ZNF385D: variants seen among roughly 807,000 people sequenced by gnomAD.
The protein encoded by ZNF385D is zinc finger protein 659.
A neutral mutation model predicts 35.8 loss-of-function variants in ZNF385D; 15 were observed. That is an observed-to-expected ratio of 0.42 (90% CI 0.28 to 0.64). The LOEUF is 0.64. Ranked by LOEUF, ZNF385D falls within the 30% of genes least tolerant of loss-of-function variation. ZNF385D has a pLI of 0.23. For missense variants in ZNF385D, 474 were observed against 494.6 expected, an observed-to-expected ratio of 0.96 and a Z score of 0.39; for synonymous variants, 212 against 186.8, an observed-to-expected ratio of 1.13 and a Z score of -1.10.
chr3:22,142,391 A>C (rs1481960925), intron 3 of ZNF385D, among the ~76,000 whole-genome samples: 2 of 152,234 alleles, frequency 1.3e-5, no homozygotes, highest in Non-Finnish European at 2.9e-5. Flanking sequence ...GTTTGAAAAC[A>C]AAGCCAAATT....
Position 21,751,112 on chromosome 3 carries a change from G to T in ZNF385D, c.-196C>A. 3 of 1,469,460 alleles carry T rather than the reference G, an allele frequency of 2.0e-6. No individual in the cohort carries two copies. Among genetic ancestry groups the T allele is most frequent in the South Asian group, 1.4e-5 (1 of 70,076 alleles). The allele number at this position is 1,469,460 out of a possible 1,614,324, so 91.0% of individuals were successfully genotyped here. On this transcript the variant is annotated 5_prime_UTR_variant, in exon 1 of 8. Transcript: ENST00000281523. ...CCTTTCCAGGGCTAAGATCCCCGGC[G>T]GCTGGAGAGTGCGCTCGGGCTGCCT... is the stretch of plus-strand genomic sequence containing the variant.
intron 2 of ZNF385D, among the ~76,000 whole-genome samples, chr3:22,229,360 G>C (rs987355397): frequency 6.6e-6 from 1 of 152,166 alleles, no homozygotes; most frequent in African/African-American, 2.4e-5. Flanking sequence ...CCCAACTTAG[G>C]TTGTGGTTCA....
chr3:21,606,443 A>ATACATTTG (rs2064486799), intron 2 of ZNF385D, among the ~76,000 whole-genome samples: 1 of 152,204 alleles, frequency 6.6e-6, no homozygotes, highest in Non-Finnish European at 1.5e-5. Flanking sequence ...ATGAAATACT[A>ATACATTTG]TACATTTGAT....
At chr3:21,727,398 G>A (rs887008630) in intron 1 of ZNF385D, among the ~76,000 whole-genome samples, 1 of 152,130 alleles carries the variant, frequency 6.6e-6, no homozygotes, top group African/African-American at 2.4e-5. Flanking sequence ...CCTACAGAAT[G>A]GGAGAAAATT....
intron 2 of ZNF385D, among the ~76,000 whole-genome samples, chr3:22,287,630 C>G (rs987331832): frequency 1.3e-5 from 2 of 151,914 alleles, no homozygotes; most frequent in Non-Finnish European, 2.9e-5. Flanking sequence ...TACACAAACT[C>G]TACACTTTTT....
chr3:22,188,614 T>G (rs1393010105), intron 2 of ZNF385D, among the ~76,000 whole-genome samples: 2 of 152,050 alleles, frequency 1.3e-5, no homozygotes, highest in East Asian at 3.9e-4. Context: ...CACACCCTGC[T>G]AATTTTTTGT....
chr3:21,699,939 C>G (rs2125377118), intron 1 of ZNF385D, among the ~76,000 whole-genome samples: 1 of 145,210 alleles, frequency 6.9e-6, no homozygotes, highest in East Asian at 2.1e-4. Context: ...TCGAGTGATT[C>G]TCTTGTCTCG....
chr3:21,763,473 T>C (rs372870064), intron 3 of ZNF385D, among the ~76,000 whole-genome samples: 1 of 152,132 alleles, frequency 6.6e-6, no homozygotes, highest in East Asian at 1.9e-4. Context: ...TACATCAGCT[T>C]TGAGAAACTT....
At chr3:21,727,212 T>C (rs1366270121) in intron 1 of ZNF385D, among the ~76,000 whole-genome samples, 1 of 151,960 alleles carries the variant, frequency 6.6e-6, no homozygotes, top group Non-Finnish European at 1.5e-5. Flanking sequence ...CCTAAAACCA[T>C]AAAAATTCTA....
chr3:21,654,285 T>G (rs1222379111), intron 2 of ZNF385D, among the ~76,000 whole-genome samples: 1 of 152,078 alleles, frequency 6.6e-6, no homozygotes, highest in Non-Finnish European at 1.5e-5. Context: ...ATTTTAATAT[T>G]TGCCCAAACT....
In ZNF385D at chr3:22,372,632, C is replaced by T. The variant is rs569610642; in HGVS notation, c.-77G>A. The T allele has an allele frequency of 4.6e-5, 19 of 416,984 alleles. No individual in the cohort carries two copies. In the East Asian group the frequency reaches 2.9e-3, roughly 64 times the overall value. The allele number at this position is 416,984 out of a possible 1,614,324, so 25.8% of individuals were successfully genotyped here. A position where few individuals can be genotyped will look rare whatever the true frequency, so the allele number is the denominator to read the frequency against. On this transcript the variant is annotated 5_prime_UTR_variant, in exon 2 of 6. Transcript: ENST00000494108. Reference sequence around the variant, plus strand: ...CGCCTGCAGCTTCAACGGCGGTGGTCGCCGCGAGCCGTGAGCGGCGGCCAA... The same window carrying T: ...CGCCTGCAGCTTCAACGGCGGTGGTTGCCGCGAGCCGTGAGCGGCGGCCAA...
At chr3:22,001,354 C>G (rs1576125032) in intron 3 of ZNF385D, among the ~76,000 whole-genome samples, 1 of 151,842 alleles carries the variant, frequency 6.6e-6, no homozygotes, top group Middle Eastern at 3.4e-3. Flanking sequence ...TCAGATAAAA[C>G]AAACTTTAAG....
chr3:21,978,245 T>G (rs1408189649), intron 3 of ZNF385D: 1 of 152,232 alleles, frequency 6.6e-6, no homozygotes, highest in Non-Finnish European at 1.5e-5. Context: ...TGTCTGTTTC[T>G]TACTTTGTTG....
chr3:21,726,093 T>C (rs569336415), intron 1 of ZNF385D, among the ~76,000 whole-genome samples: 1 of 152,242 alleles, frequency 6.6e-6, no homozygotes, highest in East Asian at 1.9e-4. Flanking sequence ...ATTATCTCAA[T>C]AGATGTAGAG....
At chr3:21,577,995 T>C (rs1220999133) in intron 2 of ZNF385D, among the ~76,000 whole-genome samples, 1 of 151,650 alleles carries the variant, frequency 6.6e-6, no homozygotes, top group Non-Finnish European at 1.5e-5. Flanking sequence ...ATTTTTTCTT[T>C]GTAGAGACAG....
chr3:22,145,435 G>T lies in ZNF385D; in HGVS notation c.325+23382C>A, dbSNP rs114498483. 6.0e-3 allele frequency among the ~76,000 whole-genome samples: 916 copies of T among 152,262 alleles called. 9 individuals are homozygous for T. The highest frequency in any genetic ancestry group is 0.021 in the African/African-American group (870 of 41,556). ...GAAGTCTCCTCTCTTCATACACCTT[G>T]CTCTTTGAACTACCAATGCTCTTTA... On this transcript the variant is annotated intron_variant, in intron 3 of 5. Transcript: ENST00000494108.
chr3:22,164,556 A>G (rs1350705674), intron 3 of ZNF385D, among the ~76,000 whole-genome samples: 3 of 151,826 alleles, frequency 2.0e-5, no homozygotes, highest in Admixed American at 1.3e-4. Context: ...GGGAATTGAG[A>G]AAGAAAAAAG....
intron 3 of ZNF385D, among the ~76,000 whole-genome samples, chr3:21,550,840 G>C (rs2125596370): frequency 2.6e-5 from 4 of 152,248 alleles, no homozygotes; most frequent in Middle Eastern, 3.4e-3. Flanking sequence ...TGATACCAAT[G>C]ATCTACTTTT....
At chr3:22,317,942 T>A (rs1178015437) in intron 2 of ZNF385D, among the ~76,000 whole-genome samples, 2 of 151,814 alleles carry the variant, frequency 1.3e-5, no homozygotes, top group Non-Finnish European at 2.9e-5. Context: ...GCACCTGTAA[T>A]CCAGTTACTG....
Sources: allele counts gnomAD v4.1 joint callset (sites outside exome capture counted in the v4.1 genomes callset), GRCh38; gene constraint gnomAD v4.1.1; transcripts MANE v1.5; gene names NCBI Gene and HGNC (gene_info 2026-07-23, HGNC 2026-07-21).